EREG: variants seen among roughly 807,000 people sequenced by gnomAD.
The protein encoded by EREG is proepiregulin.
In EREG, 23 loss-of-function variants were observed where a neutral mutation model predicts 22.4. The ratio of observed to expected loss-of-function variants is 1.03; its 90% CI spans 0.74 to 1.46. EREG has a LOEUF of 1.46. Ranked by LOEUF, EREG falls within the 40% of genes most tolerant of loss-of-function variation. The probability of loss-of-function intolerance (pLI) is 0.00; values close to 1 mark genes in which losing one functional copy is unlikely to be tolerated. For synonymous variants in EREG, 100 were observed against 75.4 expected (o/e 1.33, Z -1.69); for missense variants, 226 against 205.9 (o/e 1.10, Z -0.60).
At chr4:74,382,541 G>T in intron 3 of EREG, 104 bp from the exon 4 acceptor site, 1 of 886,586 alleles carries the variant, frequency 1.1e-6, no homozygotes, top group South Asian at 2.1e-5. Flanking sequence ...AAATTTTGTT[G>T]ATTTCTTGCA....
At chr4:74,365,665 C>CTTTTTTT (rs370338402) in intron 1 of EREG, among the ~76,000 whole-genome samples, 1 of 139,120 alleles carries the variant, frequency 7.2e-6, no homozygotes, top group African/African-American at 2.7e-5. Context: ...GTTGAAAAAG[C>CTTTTTTT]TTTTTTTTTT....
chr4:74,382,535 T>G, intron 3 of EREG, 110 bp from the exon 4 acceptor site: 1 of 784,264 alleles, frequency 1.3e-6, no homozygotes, highest in South Asian at 2.2e-5. Context: ...TTTAGCAAAT[T>G]TTGTTGATTT....
Position 74,387,966 on chromosome 4 carries a change from T to C in EREG, c.*3158T>C, listed in dbSNP as rs991175101. On this transcript the variant is annotated 3_prime_UTR_variant, in exon 5 of 5. Coordinates refer to ENST00000244869, the MANE Select transcript of EREG (RefSeq NM_001432.3). Reference sequence around the variant, plus strand: ...CATACATAATACAATGTAACTCCACTGTTCTCCTGAATATTTTTTGCTCTA... The same window carrying C: ...CATACATAATACAATGTAACTCCACCGTTCTCCTGAATATTTTTTGCTCTA... The C allele has an allele frequency of 1.3e-5, 2 of 152,228 alleles. No individual in the cohort carries two copies. The highest frequency in any genetic ancestry group is 4.8e-5 in the African/African-American group (2 of 41,466). The allele number at this position is 152,228 out of a possible 1,614,324, so 9.4% of individuals were successfully genotyped here.
chr4:74,381,167 T>C, intron 3 of EREG, 30 bp downstream of exon 3: 2 of 1,596,724 alleles, frequency 1.3e-6, no homozygotes, highest in South Asian at 1.1e-5. Flanking sequence ...CAAACACAGT[T>C]TGTAAAATTT....
At chr4:74,381,496 A>C (rs1033638303) in intron 3 of EREG, 1 of 156,570 alleles carries the variant, frequency 6.4e-6, no homozygotes, top group African/African-American at 2.4e-5. Context: ...TGTTAAATGC[A>C]GTATATATAT....
At chr4:74,375,116 T>G (rs1752356855) in intron 1 of EREG, among the ~76,000 whole-genome samples, 2 of 152,038 alleles carry the variant, frequency 1.3e-5, no homozygotes, top group Admixed American at 6.6e-5. Context: ...AGTATCGTAG[T>G]GAATTATTTG....
rs1311447741 is a variant in EREG, at chr4:74,386,584, A to G, written c.*1776A>G. 6.6e-6 allele frequency: 1 copy of G among 152,176 alleles called. No homozygotes were observed. The allele number at this position is 152,176 out of a possible 1,614,324, so 9.4% of individuals were successfully genotyped here. The stretch of plus-strand genomic sequence containing the variant: ...TATATAAAACTTAAAAACAAGAGAA[A>G]AGAAAAATCAATTAGATCTAAACAG... On this transcript the variant is annotated 3_prime_UTR_variant, in exon 5 of 5. Coordinates refer to ENST00000244869, the MANE Select transcript of EREG (RefSeq NM_001432.3).
At chr4:74,380,397 G>A (rs1041180315) in intron 2 of EREG, among the ~76,000 whole-genome samples, 3 of 152,042 alleles carry the variant, frequency 2.0e-5, no homozygotes, top group Admixed American at 6.5e-5. Flanking sequence ...TTTACACAAA[G>A]GCTCCTATTT....
In EREG at chr4:74,365,351, G is replaced by T. The variant is rs748727245; in HGVS notation, c.43G>T (p.Val15Phe). ...RRMEMLCAGR[V>F]PALLLCLGFH... ...GATGGAGATGCTCTGTGCCGGCAGGGTCCCTGCGCTGCTGCTCTGCCTGGG... is the reference window on the plus strand; with the variant it reads ...GATGGAGATGCTCTGTGCCGGCAGGTTCCCTGCGCTGCTGCTCTGCCTGGG... Residue 15 changes from valine to phenylalanine, a missense_variant, in exon 1 of 5, where the codon GTC (valine) becomes TTC (phenylalanine). Val to Phe is a conservative substitution (Grantham distance 50). Transcript: ENST00000244869. The T allele has an allele frequency of 1.9e-6, 3 of 1,610,582 alleles. No individual in the cohort carries two copies. The South Asian group carries it at 3.3e-5, about 18-fold the overall frequency.
intron 1 of EREG, among the ~76,000 whole-genome samples, chr4:74,378,231 A>T (rs16845149): frequency 0.023 from 3,523 of 152,180 alleles, 121 homozygotes; most frequent in African/African-American, 0.081. Context: ...GATTACATTT[A>T]CCTAGCTGCC....
chr4:74,385,473 C>T lies in EREG; in HGVS notation c.*665C>T, dbSNP rs1416870239. 6.4e-6 allele frequency: 1 copy of T among 156,120 alleles called. No homozygotes were observed. The highest frequency in any genetic ancestry group is 1.4e-5 in the Non-Finnish European group (1 of 70,762). 9.7% of individuals were successfully genotyped at this position (156,120 alleles called of 1,614,324 possible). On this transcript the variant is annotated 3_prime_UTR_variant, in exon 5 of 5. Coordinates refer to ENST00000244869, the MANE Select transcript of EREG (RefSeq NM_001432.3). ...ACTCCTACAGGTACTAGTCACTCAT[C>T]TACCAGATTCTGCCTATGTAAAATG...
chr4:74,378,490 T>C (rs1752419795), intron 1 of EREG, among the ~76,000 whole-genome samples: 1 of 152,180 alleles, frequency 6.6e-6, no homozygotes, highest in African/African-American at 2.4e-5. Flanking sequence ...AAATCTCAGT[T>C]CTGAAATTCG....
chr4:74,370,609 T>G (rs1341618190), intron 1 of EREG, among the ~76,000 whole-genome samples: 2 of 151,560 alleles, frequency 1.3e-5, no homozygotes, highest in African/African-American at 2.4e-5. Flanking sequence ...CTGAAGATAT[T>G]TGTGTGTGTG....
intron 1 of EREG, among the ~76,000 whole-genome samples, chr4:74,368,669 T>C (rs2110382964): frequency 6.6e-6 from 1 of 152,350 alleles, no homozygotes; most frequent in South Asian, 2.1e-4. Flanking sequence ...ACGTGAAAGA[T>C]GCAAATGTCA....
chr4:74,385,017 A>C lies in EREG; in HGVS notation c.*209A>C, dbSNP rs923993888. ...CAGAAAATATTTAATATCAAAAGAA[A>C]ATTGATATTTTTATACAAGTAATTT... On this transcript the variant is annotated 3_prime_UTR_variant, in exon 5 of 5. Coordinates refer to ENST00000244869, the MANE Select transcript of EREG (RefSeq NM_001432.3). The C allele has an allele frequency of 4.8e-6, 2 of 417,122 alleles. No homozygotes were observed. Among genetic ancestry groups the C allele is most frequent in the Non-Finnish European group, 8.6e-6 (2 of 232,418 alleles). The allele number at this position is 417,122 out of a possible 1,614,324, so 25.8% of individuals were successfully genotyped here. A position where few individuals can be genotyped will look rare whatever the true frequency, so the allele number is the denominator to read the frequency against.
intron 1 of EREG, among the ~76,000 whole-genome samples, chr4:74,370,980 G>A (rs1578817050): frequency 6.6e-6 from 1 of 152,104 alleles, no homozygotes; most frequent in Non-Finnish European, 1.5e-5. Context: ...TTGTTGCAGG[G>A]AGGCTGTCCT....
chr4:74,366,842 G>A (rs1752194729), intron 1 of EREG, among the ~76,000 whole-genome samples: 1 of 152,114 alleles, frequency 6.6e-6, no homozygotes. Flanking sequence ...CAGCTGCCAA[G>A]CCCATTTCCA....
rs758601900 is a variant in EREG at position 74,379,496 on chromosome 4, G to A, written c.116G>A (p.Cys39Tyr). The change falls in exon 2 of 5, where the codon TGT becomes TAT. Residue 39 changes from cysteine to tyrosine, a missense_variant. Transcript: ENST00000244869. ...AVLSTTVIPS[C>Y]IPGESSDNCT... ...CTCAGTACAACTGTGATTCCATCATGTATCCCAGGAGAGTCCAGTGATAAC... is the reference window on the plus strand; with the variant it reads ...CTCAGTACAACTGTGATTCCATCATATATCCCAGGAGAGTCCAGTGATAAC... 3.1e-6 allele frequency: 5 copies of A among 1,612,454 alleles called. No individual in the cohort carries two copies. Among genetic ancestry groups the A allele is most frequent in the South Asian group, 2.2e-5 (2 of 91,042 alleles).
At chr4:74,367,378 G>A (rs1276321634) in intron 1 of EREG, among the ~76,000 whole-genome samples, 2 of 152,128 alleles carry the variant, frequency 1.3e-5, no homozygotes, top group African/African-American at 4.8e-5. Flanking sequence ...TGAAATACCG[G>A]ATAACATTTT....
Sources: gnomAD v4.1 joint callset for allele counts (sites outside exome capture counted in the v4.1 genomes callset) on GRCh38, gnomAD v4.1.1 for gene constraint, MANE v1.5 for transcripts, NCBI Gene and HGNC (gene_info 2026-07-23, HGNC 2026-07-21) for gene names.